Variants in KIAA1328 observed in about 807,000 individuals in gnomAD.
The protein encoded by KIAA1328 is protein hinderin.
In KIAA1328, 52 loss-of-function variants were observed where a neutral mutation model predicts 68.1. The ratio of observed to expected loss-of-function variants is 0.76; its 90% CI spans 0.61 to 0.96. KIAA1328 has a LOEUF of 0.96. KIAA1328 is among the 40% of genes least tolerant of loss of function. The pLI, the probability that KIAA1328 is intolerant of heterozygous loss-of-function variation, is 0.00. For synonymous variants in KIAA1328, 232 were observed against 239.4 expected (o/e 0.97, Z 0.28); for missense variants, 641 against 677.6 (o/e 0.95, Z 0.60).
intron 8 of KIAA1328, among the ~76,000 whole-genome samples, chr18:37,163,543 C>T (rs1255673519): frequency 6.6e-6 from 1 of 152,158 alleles, no homozygotes; most frequent in African/African-American, 2.4e-5. Context: ...CCCCTAGTAA[C>T]TCCCAAACAC....
chr18:37,005,241 A>G (rs1280346464), intron 6 of KIAA1328, among the ~76,000 whole-genome samples: 1 of 152,058 alleles, frequency 6.6e-6, no homozygotes, highest in Non-Finnish European at 1.5e-5. Flanking sequence ...ATAGAAACAA[A>G]AAATTTTGAA....
At chr18:37,131,861 T>A (rs573959887) in intron 7 of KIAA1328, among the ~76,000 whole-genome samples, 1 of 152,336 alleles carries the variant, frequency 6.6e-6, no homozygotes, top group African/African-American at 2.4e-5. Context: ...AGGCTTTTCA[T>A]ACTGTTGGAG....
Position 37,143,056 on chromosome 18 carries a change from G to C in KIAA1328, c.1233-17144G>C, listed in dbSNP as rs951185025. On this transcript the variant is annotated intron_variant, in intron 7 of 9. Coordinates refer to ENST00000280020, the MANE Select transcript of KIAA1328 (RefSeq NM_020776.3). ...TGCAACCTCCGCCTCCCAGGCTCAA[G>C]CAATTCTCGTGCCTCATCCTCTGCA... is the stretch of plus-strand genomic sequence containing the variant. Among the ~76,000 whole-genome samples the C allele has an allele frequency of 2.0e-5, 3 of 151,126 alleles. No homozygotes were observed. The Admixed American group carries it at 2.0e-4, about 10-fold the overall frequency.
chr18:36,940,867 G>A (rs749141208), intron 5 of KIAA1328, among the ~76,000 whole-genome samples: 2 of 151,736 alleles, frequency 1.3e-5, no homozygotes, highest in Non-Finnish European at 2.9e-5. Context: ...GTAGAGATGG[G>A]GTTTCACCAT....
At chr18:37,115,778 C>G in intron 7 of KIAA1328, among the ~76,000 whole-genome samples, 1 of 152,104 alleles carries the variant, frequency 6.6e-6, no homozygotes, top group Non-Finnish European at 1.5e-5. Flanking sequence ...TCGTCTCAGC[C>G]CAAAATCTCC....
intron 6 of KIAA1328, among the ~76,000 whole-genome samples, chr18:36,978,236 A>G (rs2052549049): frequency 6.6e-6 from 1 of 152,166 alleles, no homozygotes; most frequent in Non-Finnish European, 1.5e-5. Context: ...AATGTTATCT[A>G]CCAGGGAGAC....
intron 6 of KIAA1328, among the ~76,000 whole-genome samples, chr18:37,000,750 A>C (rs1037458060): frequency 8.5e-5 from 13 of 152,102 alleles, no homozygotes; most frequent in African/African-American, 3.1e-4. Context: ...TCTGGAAACT[A>C]TACAAATACG....
At chr18:37,138,298 A>T (rs1046268635) in intron 7 of KIAA1328, among the ~76,000 whole-genome samples, 1 of 152,202 alleles carries the variant, frequency 6.6e-6, no homozygotes, top group Non-Finnish European at 1.5e-5. Context: ...AAGAAATTAC[A>T]TCTATCAGAA....
intron 6 of KIAA1328, among the ~76,000 whole-genome samples, chr18:36,998,566 C>A (rs1303349918): frequency 6.6e-6 from 1 of 152,240 alleles, no homozygotes; most frequent in Non-Finnish European, 1.5e-5. Flanking sequence ...CCACTATGGC[C>A]TGAAGGCCAG....
chr18:37,102,488 G>A (rs953824462), intron 7 of KIAA1328, among the ~76,000 whole-genome samples: 2 of 152,082 alleles, frequency 1.3e-5, no homozygotes, highest in African/African-American at 4.8e-5. Context: ...AAGACCATAT[G>A]ACATCTCAAT....
Position 36,932,793 on chromosome 18 carries a change from C to T in KIAA1328, c.449-26515C>T, listed in dbSNP as rs116462952. Among the ~76,000 whole-genome samples, 791 of 152,250 alleles carry T rather than the reference C, an allele frequency of 5.2e-3. 11 individuals carry two copies. The highest frequency in any genetic ancestry group is 0.018 in the African/African-American group (734 of 41,538). On this transcript the variant is annotated intron_variant, in intron 5 of 9. Transcript: ENST00000280020. ...CTTGGTTTAAGCTTGGATTAAAAGA[C>T]GCAGTGGGGTTTCTATCACTTCTCC...
chr18:37,022,804 ATTG>A (rs2054399117), intron 6 of KIAA1328, among the ~76,000 whole-genome samples: 1 of 152,202 alleles, frequency 6.6e-6, no homozygotes. Context: ...TTGTTAAGAA[ATTG>A]TTGTATGGAC....
chr18:36,854,750 A>G (rs772152511), intron 4 of KIAA1328, among the ~76,000 whole-genome samples: 23 of 152,170 alleles, frequency 1.5e-4, no homozygotes, highest in Non-Finnish European at 1.3e-4. Flanking sequence ...TGCAACCACA[A>G]TCTTTATCTA....
chr18:37,114,992 T>G (rs1447439238), intron 7 of KIAA1328, among the ~76,000 whole-genome samples: 1 of 152,176 alleles, frequency 6.6e-6, no homozygotes, highest in East Asian at 1.9e-4. Flanking sequence ...AATAGACCAG[T>G]AACAGGCTCT....
intron 7 of KIAA1328, among the ~76,000 whole-genome samples, chr18:37,108,147 A>G (rs556411455): frequency 6.6e-6 from 1 of 152,218 alleles, no homozygotes. Flanking sequence ...GGTAGATTGG[A>G]TAAAGAAAAT....
At chr18:37,008,361 A>C (rs1381984652) in intron 6 of KIAA1328, among the ~76,000 whole-genome samples, 1 of 152,240 alleles carries the variant, frequency 6.6e-6, no homozygotes, top group African/African-American at 2.4e-5. Context: ...CAGAGGTGAG[A>C]AAGAACTCGT....
At chr18:37,188,986 A>C (rs1470542936) in intron 9 of KIAA1328, among the ~76,000 whole-genome samples, 1 of 152,192 alleles carries the variant, frequency 6.6e-6, no homozygotes, top group Non-Finnish European at 1.5e-5. Flanking sequence ...GAAAGAAAGT[A>C]AATTTGATCC....
intron 4 of KIAA1328, among the ~76,000 whole-genome samples, chr18:36,848,035 GA>G (rs2047085676): frequency 6.6e-6 from 1 of 151,366 alleles, no homozygotes; most frequent in Non-Finnish European, 1.5e-5. Flanking sequence ...TCTTATTTTT[GA>G]AAATTATTTT....
At chr18:36,897,070 G>A (rs1237606465) in intron 5 of KIAA1328, among the ~76,000 whole-genome samples, 2 of 152,014 alleles carry the variant, frequency 1.3e-5, no homozygotes, top group East Asian at 3.9e-4. Context: ...TAATTTTTCA[G>A]AAGTAGTGAA....
Sources: gnomAD v4.1 joint callset for allele counts (sites outside exome capture counted in the v4.1 genomes callset) on GRCh38, gnomAD v4.1.1 for gene constraint, MANE v1.5 for transcripts, NCBI Gene and HGNC (gene_info 2026-07-23, HGNC 2026-07-21) for gene names.